The following TJP1 variants were observed in gnomAD, a reference collection of about 807,000 sequenced individuals.
TJP1 encodes tight junction protein ZO-1.
Under a neutral mutation model 194.2 loss-of-function variants are expected in TJP1, and 43 were observed. That is an observed-to-expected ratio of 0.22 (90% CI 0.17 to 0.29). TJP1 has a LOEUF of 0.29. TJP1 is among the 10% of genes least tolerant of loss of function. The pLI is 1.00. For missense variants in TJP1, 1,971 were observed against 2,185.7 expected (o/e 0.90, Z 1.96); for synonymous variants, 801 against 779.0 (o/e 1.03, Z -0.47).
chr15:29,833,881 A>ATATATTTTTTTT (rs1555434000), intron 2 of TJP1, among the ~76,000 whole-genome samples: 1 of 12,616 alleles, frequency 7.9e-5, no homozygotes, highest in African/African-American at 3.0e-4. Flanking sequence ...ATATATATAT[A>ATATATTTTTTTT]TTTTTTTTTT....
intron 2 of TJP1, among the ~76,000 whole-genome samples, chr15:29,882,679 G>T (rs1325231852): frequency 2.6e-5 from 4 of 152,224 alleles, no homozygotes; most frequent in Admixed American, 6.5e-5. Flanking sequence ...GGACCGAAAG[G>T]TCCTTGTATA....
At chr15:29,751,111 CG>C (rs2050454827) in intron 8 of TJP1, among the ~76,000 whole-genome samples, 1 of 152,106 alleles carries the variant, frequency 6.6e-6, no homozygotes, top group Admixed American at 6.5e-5. Context: ...CCCTTCACAA[CG>C]ATTAAAAAAT....
At chr15:29,836,398 G>A (rs1036646514) in intron 2 of TJP1, among the ~76,000 whole-genome samples, 6 of 151,104 alleles carry the variant, frequency 4.0e-5, no homozygotes, top group South Asian at 2.1e-4. Context: ...TCAGCCTCCC[G>A]AGTAGCTGGG....
chr15:29,758,032 T>C (rs903540292), intron 8 of TJP1, among the ~76,000 whole-genome samples: 1 of 152,240 alleles, frequency 6.6e-6, no homozygotes, highest in Non-Finnish European at 1.5e-5. Flanking sequence ...ACAGTAAATG[T>C]ATTTTCTCTT....
intron 2 of TJP1, among the ~76,000 whole-genome samples, chr15:29,920,159 A>G (rs577746654): frequency 6.6e-6 from 1 of 152,328 alleles, no homozygotes; most frequent in Admixed American, 6.5e-5. Flanking sequence ...TGTTAGTTAC[A>G]GTACGAACTC....
intron 1 of TJP1, among the ~76,000 whole-genome samples, chr15:29,964,362 T>C (rs571790021): frequency 1.3e-5 from 2 of 151,362 alleles, no homozygotes; most frequent in South Asian, 2.1e-4. Flanking sequence ...ATTTTATGAG[T>C]TCCTAGTTTA....
intron 2 of TJP1, among the ~76,000 whole-genome samples, chr15:29,782,101 T>TTTAA (rs1418907687): frequency 6.6e-6 from 1 of 152,174 alleles, no homozygotes; most frequent in African/African-American, 2.4e-5. Flanking sequence ...CTCCTTAAGC[T>TTTAA]GATAAAATAA....
chr15:29,894,018 A>G (rs2053398204), intron 2 of TJP1, among the ~76,000 whole-genome samples: 1 of 152,196 alleles, frequency 6.6e-6, no homozygotes, highest in Admixed American at 6.5e-5. Flanking sequence ...AGATTTTTAC[A>G]CAAAAGGTTG....
At chr15:29,792,459 GT>G (rs1323009851) in intron 2 of TJP1, among the ~76,000 whole-genome samples, 1 of 152,106 alleles carries the variant, frequency 6.6e-6, no homozygotes, top group Non-Finnish European at 1.5e-5. Flanking sequence ...GTCTGTGTCT[GT>G]TTTTATGCCA....
At chr15:29,904,998 A>G (rs2053760342) in intron 2 of TJP1, among the ~76,000 whole-genome samples, 1 of 152,216 alleles carries the variant, frequency 6.6e-6, no homozygotes, top group African/African-American at 2.4e-5. Flanking sequence ...GAACCTTTAG[A>G]GGAAGCATGG....
chr15:29,766,558 G>A lies in TJP1; in HGVS notation c.313-16C>T. ...TTCTAATTGTCTGCAAGTTAAAAAG[G>A]TTAAAAAATAAGTTGACTGATTTTC... On this transcript the variant is annotated splice_polypyrimidine_tract_variant and intron_variant, in intron 4 of 27. Transcript: ENST00000614355. The A allele has an allele frequency of 6.6e-7, 1 of 1,522,886 alleles. No individual in the cohort carries two copies. Among genetic ancestry groups the A allele is most frequent in the Non-Finnish European group, 8.8e-7 (1 of 1,138,004 alleles). 94.3% of individuals were successfully genotyped at this position (1,522,886 alleles called of 1,614,324 possible).
At chr15:29,814,662 C>CA (rs921345843) in intron 1 of TJP1, among the ~76,000 whole-genome samples, 2 of 151,536 alleles carry the variant, frequency 1.3e-5, no homozygotes, top group Admixed American at 6.6e-5. Flanking sequence ...TTCGGTAAGT[C>CA]AAAAAAAATT....
At chr15:29,798,518 T>C (rs1056955504) in intron 2 of TJP1, among the ~76,000 whole-genome samples, 3 of 152,168 alleles carry the variant, frequency 2.0e-5, no homozygotes, top group African/African-American at 7.2e-5. Context: ...ATTTCAGATC[T>C]GGGATGCTCA....
intron 2 of TJP1, among the ~76,000 whole-genome samples, chr15:29,833,881 A>ATATATATTTT (rs1555434000): frequency 1.6e-4 from 2 of 12,610 alleles, no homozygotes; most frequent in African/African-American, 6.0e-4. Flanking sequence ...ATATATATAT[A>ATATATATTTT]TTTTTTTTTT....
At chr15:29,940,754 T>C (rs2055044234) in intron 2 of TJP1, among the ~76,000 whole-genome samples, 1 of 152,226 alleles carries the variant, frequency 6.6e-6, no homozygotes, top group African/African-American at 2.4e-5. Context: ...ATGACTTCCA[T>C]AAATCGACTC....
intron 2 of TJP1, among the ~76,000 whole-genome samples, chr15:29,903,201 C>CT (rs2053688670): frequency 6.6e-6 from 1 of 152,064 alleles, no homozygotes; most frequent in African/African-American, 2.4e-5. Context: ...AACTTTCCAA[C>CT]TGATCTATGT....
chr15:29,762,552 A>G (rs1315039565), intron 5 of TJP1, 114 bp from the exon 6 acceptor site: 4 of 667,456 alleles, frequency 6.0e-6, no homozygotes, highest in African/African-American at 3.6e-5. Context: ...AGTACAATCA[A>G]TAACAAGAAA....
intron 5 of TJP1, among the ~76,000 whole-genome samples, chr15:29,762,797 A>T (rs2151542202): frequency 6.6e-6 from 1 of 152,294 alleles, no homozygotes; most frequent in Non-Finnish European, 1.5e-5. Flanking sequence ...ACAGGGTCTC[A>T]CTATGTTGCC....
Position 29,822,439 on chromosome 15 carries a change from C to A in TJP1, c.-411G>T. ...CGCCAAGGAACGCGGCGTCCGCTGG[C>A]TCAGCCGGCGCCGGCAACTCAGCGG... On this transcript the variant is annotated 5_prime_UTR_variant, in exon 1 of 28. Coordinates refer to ENST00000614355, the MANE Select transcript of TJP1 (RefSeq NM_001330239.4). The A allele has an allele frequency of 1.0e-6, 1 of 987,896 alleles. No homozygotes were observed. The highest frequency in any genetic ancestry group is 1.2e-6 in the Non-Finnish European group (1 of 831,726). 61.2% of individuals were successfully genotyped at this position (987,896 alleles called of 1,614,324 possible).
Sources: gnomAD v4.1 joint callset for allele counts (sites outside exome capture counted in the v4.1 genomes callset) on GRCh38, gnomAD v4.1.1 for gene constraint, MANE v1.5 for transcripts, NCBI Gene and HGNC (gene_info 2026-07-23, HGNC 2026-07-21) for gene names.